Variants in UNC13C observed in about 807,000 individuals in gnomAD.
The protein encoded by UNC13C is protein unc-13 homolog C.
UNC13C carries 174 observed loss-of-function variants against 245.4 expected under a neutral mutation model. That is an observed-to-expected ratio of 0.71 (90% CI 0.63 to 0.80). The LOEUF (loss-of-function observed/expected upper bound fraction) is 0.80, where lower values mean the gene tolerates loss of function less well. Among genes scored for constraint, UNC13C ranks in the 30% least tolerant of loss-of-function variants. The pLI is 0.00. For missense variants in UNC13C, 2,829 were observed against 2,602.9 expected (o/e 1.09, Z -1.89); for synonymous variants, 992 against 895.1 (o/e 1.11, Z -1.93).
intron 2 of UNC13C, among the ~76,000 whole-genome samples, chr15:54,086,116 AAGTT>A (rs1304877492): frequency 1.3e-5 from 2 of 152,170 alleles, no homozygotes; most frequent in African/African-American, 4.8e-5. Flanking sequence ...GATATACAAT[AAGTT>A]AGTTAACCAT....
chr15:54,623,779 A>C lies in UNC13C; in HGVS notation c.6200-16A>C. The C allele has an allele frequency of 6.2e-7, 1 of 1,603,310 alleles. No homozygotes were observed. On this transcript the variant is annotated splice_polypyrimidine_tract_variant and intron_variant, in intron 31 of 32. Transcript: ENST00000260323. ...ACACATCTGTTTGCTAAAATGTGAT[A>C]TTTCCTTTTTTTTAGTGATTGCTAT...
the UNC13C span, among the ~76,000 whole-genome samples, chr15:53,898,379 T>G: frequency 6.6e-6 from 1 of 151,758 alleles, no homozygotes; most frequent in African/African-American, 2.4e-5. Flanking sequence ...TAACTGATTC[T>G]AAAAGTCTAT....
At chr15:54,309,815 G>A (rs2037821580) in intron 13 of UNC13C, among the ~76,000 whole-genome samples, 1 of 151,768 alleles carries the variant, frequency 6.6e-6, no homozygotes, top group African/African-American at 2.4e-5. Flanking sequence ...TAAATGTGTG[G>A]ATTTATTTCT....
intron 4 of UNC13C, among the ~76,000 whole-genome samples, chr15:54,152,361 T>C (rs1476324691): frequency 1.3e-5 from 2 of 152,308 alleles, no homozygotes; most frequent in Admixed American, 6.5e-5. Flanking sequence ...GAAAAAAGTA[T>C]TGTATTGAAA....
At chr15:54,425,983 C>A (rs1043424710) in intron 19 of UNC13C, among the ~76,000 whole-genome samples, 1 of 151,634 alleles carries the variant, frequency 6.6e-6, no homozygotes, top group African/African-American at 2.4e-5. Flanking sequence ...GGCCATCTTC[C>A]AAATTCTTTG....
intron 4 of UNC13C, among the ~76,000 whole-genome samples, chr15:54,167,202 C>A (rs889297452): frequency 6.6e-6 from 1 of 151,758 alleles, no homozygotes; most frequent in Non-Finnish European, 1.5e-5. Flanking sequence ...ATAAAGCAAC[C>A]CAATAGGAAA....
At chr15:53,852,219 GTGGGGT>G in the UNC13C span, among the ~76,000 whole-genome samples, 1 of 152,164 alleles carries the variant, frequency 6.6e-6, no homozygotes, top group Non-Finnish European at 1.5e-5. Context: ...CGCTTGGTGT[GTGGGGT>G]AAACCCCCAC....
At chr15:53,984,086 C>G (rs1436065486) in intron 1 of UNC13C, among the ~76,000 whole-genome samples, 1 of 152,020 alleles carries the variant, frequency 6.6e-6, no homozygotes, top group African/African-American at 2.4e-5. Context: ...CATACTACTG[C>G]CAAATTCATT....
At chr15:54,478,260 G>C (rs1167775667) in intron 19 of UNC13C, among the ~76,000 whole-genome samples, 2 of 143,226 alleles carry the variant, frequency 1.4e-5, no homozygotes, top group African/African-American at 5.2e-5. Context: ...CAAAAAACCA[G>C]CTCCTGGATT....
At chr15:54,393,746 A>G (rs183523700) in intron 18 of UNC13C, among the ~76,000 whole-genome samples, 148 of 152,060 alleles carry the variant, frequency 9.7e-4, no homozygotes, top group African/African-American at 2.3e-3. Flanking sequence ...TCCTCATTTT[A>G]TCAAAATACA....
chr15:54,552,481 AAT>A (rs1896805167), intron 28 of UNC13C, among the ~76,000 whole-genome samples: 5 of 60,160 alleles, frequency 8.3e-5, no homozygotes, highest in African/African-American at 1.8e-4. Context: ...TATATAATAT[AAT>A]TATATATTAT....
chr15:54,269,753 T>A (rs912597849), intron 10 of UNC13C, among the ~76,000 whole-genome samples: 1 of 152,130 alleles, frequency 6.6e-6, no homozygotes, highest in African/African-American at 2.4e-5. Context: ...ATTATCTGTA[T>A]TATTATTGGC....
In UNC13C at chr15:54,567,825, G is replaced by A. The variant is rs975096476; in HGVS notation, c.5984G>A (p.Gly1995Asp). 24 of 1,602,824 alleles carry A rather than the reference G, an allele frequency of 1.5e-5. No individual in the cohort carries two copies. Among genetic ancestry groups the A allele is most frequent in the Non-Finnish European group, 2.0e-5 (24 of 1,173,932 alleles). ...CAATACTTTCATGCAGGAGGAAATG[G>A]CCTGAAAAAGAATTTCTTGGAGAAA... ...IKQYFHAGGN[G>D]LKKNFLEKSP... The change falls in exon 30 of 33, where the codon GGC (glycine) becomes GAC (aspartate). Residue 1995 changes from glycine (G) to aspartate (D), a missense_variant. Coordinates refer to ENST00000260323, the MANE Select transcript of UNC13C (RefSeq NM_001080534.3).
At chr15:54,475,806 C>A (rs1258318177) in intron 19 of UNC13C, among the ~76,000 whole-genome samples, 1 of 116,808 alleles carries the variant, frequency 8.6e-6, no homozygotes, top group African/African-American at 3.1e-5. Context: ...GATTTATAGT[C>A]CTTTGGGTAT....
At chr15:53,845,213 T>C in the UNC13C span, among the ~76,000 whole-genome samples, 1 of 151,400 alleles carries the variant, frequency 6.6e-6, no homozygotes, top group Non-Finnish European at 1.5e-5. Context: ...TAGTTCCAGC[T>C]ACTCAGGAGG....
At chr15:54,499,046 C>T (rs1412842067) in intron 20 of UNC13C, among the ~76,000 whole-genome samples, 9 of 152,114 alleles carry the variant, frequency 5.9e-5, no homozygotes, top group Admixed American at 5.2e-4. Context: ...AAAGAAATAC[C>T]TGAGTCTAGG....
intron 30 of UNC13C, among the ~76,000 whole-genome samples, chr15:54,606,600 G>A (rs776080998): frequency 6.6e-6 from 1 of 152,176 alleles, no homozygotes. Flanking sequence ...GACGATTTGC[G>A]TGCGGTGAAC....
At chr15:54,090,573 A>G (rs896968468) in intron 2 of UNC13C, among the ~76,000 whole-genome samples, 1 of 152,198 alleles carries the variant, frequency 6.6e-6, no homozygotes, top group Non-Finnish European at 1.5e-5. Context: ...ATTCTGGCTC[A>G]AGTTTATGCT....
intron 1 of UNC13C, among the ~76,000 whole-genome samples, chr15:53,994,296 A>G (rs888338086): frequency 3.9e-5 from 6 of 151,964 alleles, no homozygotes; most frequent in African/African-American, 1.5e-4. Context: ...AGAAAACTTT[A>G]AAAGATGTCT....
Sources: gnomAD v4.1 joint callset for allele counts (sites outside exome capture counted in the v4.1 genomes callset) on GRCh38, gnomAD v4.1.1 for gene constraint, MANE v1.5 for transcripts, NCBI Gene and HGNC (gene_info 2026-07-23, HGNC 2026-07-21) for gene names.